Variants in CDC14B observed in about 807,000 individuals in gnomAD.
The protein encoded by CDC14B is dual specificity protein phosphatase CDC14B.
CDC14B carries 22 observed loss-of-function variants against 64.2 expected under a neutral mutation model. That is an observed-to-expected ratio of 0.34 (90% confidence interval 0.24 to 0.49). The LOEUF is 0.49. Among genes scored for constraint, CDC14B ranks in the 20% least tolerant of loss-of-function variants. CDC14B has a pLI of 0.99. For synonymous variants in CDC14B, 191 were observed against 215.8 expected (o/e 0.89, Z 1.01); for missense variants, 498 against 629.9 (o/e 0.79, Z 2.24).
chr9:96,535,125 G>A (rs1839098123), intron 7 of CDC14B, among the ~76,000 whole-genome samples: 2 of 152,170 alleles, frequency 1.3e-5, no homozygotes, highest in African/African-American at 4.8e-5. Context: ...TGACCAACAT[G>A]GAGAAATCCT....
At chr9:96,612,558 G>GT (rs1847388107) in intron 1 of CDC14B, among the ~76,000 whole-genome samples, 1 of 152,194 alleles carries the variant, frequency 6.6e-6, no homozygotes, top group African/African-American at 2.4e-5. Context: ...CAGAGACTAG[G>GT]TTTCCCCAGT....
chr9:96,613,544 T>C (rs1471075081), intron 1 of CDC14B, among the ~76,000 whole-genome samples: 2 of 152,190 alleles, frequency 1.3e-5, no homozygotes, highest in Non-Finnish European at 2.9e-5. Flanking sequence ...TTGGAGTGCC[T>C]GAGGAATTAG....
intron 5 of CDC14B, among the ~76,000 whole-genome samples, chr9:96,542,776 C>T (rs140356697): frequency 3.9e-5 from 6 of 152,034 alleles, no homozygotes; most frequent in East Asian, 1.9e-4. Flanking sequence ...TTAGGGAGGC[C>T]GAGGCAGGTG....
intron 1 of CDC14B, among the ~76,000 whole-genome samples, chr9:96,575,165 A>C (rs977632986): frequency 2.8e-4 from 42 of 152,196 alleles, no homozygotes; most frequent in African/African-American, 1.0e-3. Context: ...TCACCCATGG[A>C]TCCGGGGTGT....
chr9:96,546,751 C>T lies in CDC14B; in HGVS notation c.498-4859G>A, dbSNP rs1012081714. On this transcript the variant is annotated intron_variant, in intron 5 of 13. Coordinates refer to ENST00000375241, the MANE Select transcript of CDC14B (RefSeq NM_033331.4). ...AGGCGTGAGCCACCGCGCCCGGCCACGACAGTGATTTTTAAACATGTAGGT... is the reference window on the plus strand; with the variant it reads ...AGGCGTGAGCCACCGCGCCCGGCCATGACAGTGATTTTTAAACATGTAGGT... Among the ~76,000 whole-genome samples, 16 of 151,810 alleles carry T rather than the reference C, an allele frequency of 1.1e-4. No homozygotes were observed. The East Asian group carries it at 2.6e-3, about 25-fold the overall frequency.
chr9:96,551,852 G>A lies in CDC14B; in HGVS notation c.441C>T (p.Thr147=), dbSNP rs751981414. Residue 147 remains threonine (T), a synonymous_variant, in exon 5 of 14, where the codon ACC becomes ACT. Coordinates refer to ENST00000375241, the MANE Select transcript of CDC14B (RefSeq NM_033331.4). ...GCYMVIYLGR[T]PEEAYRILIF... The stretch of plus-strand genomic sequence containing the variant: ...TTAATATTCTATATGCTTCTTCTGG[G>A]GTTCTCCCCAAATATATAACCTATG... The A allele has an allele frequency of 1.1e-5, 18 of 1,607,874 alleles. No individual in the cohort carries two copies. Among genetic ancestry groups the A allele is most frequent in the Non-Finnish European group, 1.5e-5 (18 of 1,177,360 alleles).
chr9:96,591,703 C>G (rs575366059), intron 1 of CDC14B, among the ~76,000 whole-genome samples: 77 of 152,082 alleles, frequency 5.1e-4, no homozygotes, highest in African/African-American at 1.8e-3. Context: ...TTAAGTCTTC[C>G]GATTCACAAG....
At chr9:96,608,339 G>C (rs538658036) in intron 1 of CDC14B, among the ~76,000 whole-genome samples, 1 of 152,270 alleles carries the variant, frequency 6.6e-6, no homozygotes, top group South Asian at 2.1e-4. Flanking sequence ...TTTTTTGACA[G>C]TTCATTGTCA....
intron 2 of CDC14B, among the ~76,000 whole-genome samples, chr9:96,565,105 G>A (rs1258159938): frequency 6.6e-6 from 1 of 152,034 alleles, no homozygotes; most frequent in East Asian, 1.9e-4. Flanking sequence ...AATTAAAAAA[G>A]CTGTTTTTCC....
At chr9:96,496,022 C>G (rs1587698061), downstream of CDC14B, among the ~76,000 whole-genome samples, 1 of 152,300 alleles carries the variant, frequency 6.6e-6, no homozygotes, top group African/African-American at 2.4e-5. Context: ...ATCAGATCAT[C>G]GCACAGGGGC....
At chr9:96,603,299 T>C (rs1434866400) in intron 1 of CDC14B, among the ~76,000 whole-genome samples, 2 of 152,154 alleles carry the variant, frequency 1.3e-5, no homozygotes, top group Admixed American at 6.6e-5. Context: ...TACTCTTTTG[T>C]TATCTTTTGA....
In CDC14B at chr9:96,532,708, C is replaced by G. The variant is rs577030821; in HGVS notation, c.946+1219G>C. On this transcript the variant is annotated intron_variant, in intron 9 of 13. Coordinates refer to ENST00000375241, the MANE Select transcript of CDC14B (RefSeq NM_033331.4). ...ATTCTTTAATGATTCTAGCTTCACA[C>G]GCACTGATTCTTCTGCCTGCTCAAA... 2.1e-3 allele frequency among the ~76,000 whole-genome samples: 315 copies of G among 152,262 alleles called. 1 individual carries two copies. Among genetic ancestry groups the G allele is most frequent in the Non-Finnish European group, 3.6e-3 (243 of 68,012 alleles).
intron 1 of CDC14B, among the ~76,000 whole-genome samples, chr9:96,610,893 C>A (rs1266922900): frequency 6.6e-6 from 1 of 152,024 alleles, no homozygotes; most frequent in African/African-American, 2.4e-5. Context: ...CAACTTAAGT[C>A]ATAAACATAC....
At chr9:96,581,181 G>A (rs1221710306) in intron 1 of CDC14B, among the ~76,000 whole-genome samples, 1 of 152,138 alleles carries the variant, frequency 6.6e-6, no homozygotes, top group Non-Finnish European at 1.5e-5. Context: ...GGTGAGCTGC[G>A]ATTGCACCAC....
At chr9:96,560,702 T>A (rs1481695556) in intron 4 of CDC14B, among the ~76,000 whole-genome samples, 2 of 150,230 alleles carry the variant, frequency 1.3e-5, no homozygotes, top group Non-Finnish European at 3.0e-5. Flanking sequence ...CCTGCCTCAT[T>A]CTCCCAAGTC....
intron 4 of CDC14B, among the ~76,000 whole-genome samples, chr9:96,554,963 T>C (rs1315796708): frequency 2.0e-5 from 3 of 152,224 alleles, no homozygotes; most frequent in Admixed American, 6.5e-5. Flanking sequence ...GTCTGGACAC[T>C]TGGCGTTTCT....
At chr9:96,566,404 C>T (rs185523456) in intron 1 of CDC14B, among the ~76,000 whole-genome samples, 2 of 150,924 alleles carry the variant, frequency 1.3e-5, no homozygotes, top group East Asian at 1.9e-4. Flanking sequence ...GCAATTACTG[C>T]GTTTATTTCC....
intron 1 of CDC14B, among the ~76,000 whole-genome samples, chr9:96,571,525 AAAC>A (rs1461225462): frequency 1.1e-4 from 16 of 152,198 alleles, no homozygotes; most frequent in Non-Finnish European, 2.1e-4. Flanking sequence ...GTGTGACAAA[AAAC>A]AAGTCACAAA....
intron 6 of CDC14B, among the ~76,000 whole-genome samples, chr9:96,541,275 A>G (rs1405799026): frequency 2.0e-5 from 3 of 152,254 alleles, no homozygotes; most frequent in Non-Finnish European, 4.4e-5. Flanking sequence ...GTTATGACCC[A>G]AGGAATCACT....
Sources: allele counts gnomAD v4.1 joint callset (sites outside exome capture counted in the v4.1 genomes callset), GRCh38; gene constraint gnomAD v4.1.1; transcripts MANE v1.5; gene names NCBI Gene and HGNC (gene_info 2026-07-23, HGNC 2026-07-21).